MYH16: variants seen among roughly 807,000 people sequenced by gnomAD.
MYH16 encodes myosin heavy chain 16.
chr7:99,276,710 A>C (rs1378916259), intron 20 of MYH16, among the ~76,000 whole-genome samples: 1 of 152,252 alleles, frequency 6.6e-6, no homozygotes, highest in Non-Finnish European at 1.5e-5. Flanking sequence ...CAGGGGCTAC[A>C]TTGTGGAAGG....
At chr7:99,285,065 A>G (rs1792259468) in intron 26 of MYH16, 130 bp downstream of exon 8, 1 of 412,882 alleles carries the variant, frequency 2.4e-6, no homozygotes, top group African/African-American at 2.0e-5. Flanking sequence ...TTGGAGATGG[A>G]CCCATGTTCC....
intron 13 of MYH16, chr7:99,263,296 G>A (rs1318902252): frequency 2.0e-5 from 3 of 153,042 alleles, no homozygotes; most frequent in African/African-American, 7.2e-5. Context: ...GGGAGAGGCT[G>A]AACCTCAAAG....
At chr7:99,248,897 T>G (rs547019535) in intron 3 of MYH16, 1 of 152,628 alleles carries the variant, frequency 6.6e-6, no homozygotes, top group Admixed American at 6.5e-5. Flanking sequence ...CGGGTGGAAT[T>G]TGGGGAAGCG....
intron 23 of MYH16, among the ~76,000 whole-genome samples, chr7:99,281,547 G>T (rs144705988): frequency 7.3e-4 from 111 of 152,258 alleles, no homozygotes; most frequent in African/African-American, 2.2e-3. Flanking sequence ...GGGTGACAGC[G>T]AGACCCTGTC....
chr7:99,295,705 T>G (rs1463956678), intron 33 of MYH16, among the ~76,000 whole-genome samples: 1 of 151,964 alleles, frequency 6.6e-6, no homozygotes, highest in African/African-American at 2.4e-5. Flanking sequence ...AGGTGGTTCA[T>G]GCTTGTCATC....
exon 12 of MYH16, chr7:99,260,313 C>T (rs1364797531): frequency 2.9e-6 from 4 of 1,400,296 alleles, no homozygotes; most frequent in Non-Finnish European, 4.0e-6. Context: ...ACCTTCAGGC[C>T]TGCATCGACC....
intron 30 of MYH16, among the ~76,000 whole-genome samples, chr7:99,290,689 G>A (rs1326454094): frequency 1.3e-5 from 2 of 151,662 alleles, no homozygotes; most frequent in African/African-American, 4.8e-5. Context: ...TGTAATCCCA[G>A]TTACTCAGGA....
At chr7:99,289,668 CA>C (rs1792340077) in intron 30 of MYH16, among the ~76,000 whole-genome samples, 1 of 152,216 alleles carries the variant, frequency 6.6e-6, no homozygotes, top group African/African-American at 2.4e-5. Flanking sequence ...TGACGAAATA[CA>C]ATTTTCAAAC....
intron 37 of MYH16, among the ~76,000 whole-genome samples, chr7:99,301,195 CAAAAAAAAAAA>C (rs11315562): frequency 1.8e-5 from 1 of 54,484 alleles, no homozygotes; most frequent in African/African-American, 6.9e-5. Context: ...GACTCTGTCT[CAAAAAAAAAAA>C]AAAAAAAAAA....
At chr7:99,240,555 TA>T (rs1791655359) in intron 1 of MYH16, among the ~76,000 whole-genome samples, 1 of 152,096 alleles carries the variant, frequency 6.6e-6, no homozygotes, top group African/African-American at 2.4e-5. Flanking sequence ...ATTTCTTGAT[TA>T]AAAGAAGTCA....
chr7:99,284,982 T>A (rs1238615412), intron 26 of MYH16, 47 bp downstream of exon 8: 2 of 455,380 alleles, frequency 4.4e-6, no homozygotes, highest in East Asian at 1.4e-4. Flanking sequence ...GAAATGCACT[T>A]CTCTGAACGT....
At chr7:99,281,258 A>G (rs764485544) in intron 23 of MYH16, among the ~76,000 whole-genome samples, 7 of 152,064 alleles carry the variant, frequency 4.6e-5, no homozygotes, top group East Asian at 1.9e-4. Context: ...CGGGGGAGCT[A>G]TGAACAATTA....
chr7:99,302,194 C>T (rs1792603745), intron 38 of MYH16, among the ~76,000 whole-genome samples: 1 of 151,416 alleles, frequency 6.6e-6, no homozygotes, highest in Non-Finnish European at 1.5e-5. Context: ...ATCCCAAGTA[C>T]TCAGGAGGCT....
intron 18 of MYH16, among the ~76,000 whole-genome samples, chr7:99,269,709 C>T (rs1357319684): frequency 6.6e-6 from 1 of 152,136 alleles, no homozygotes; most frequent in Non-Finnish European, 1.5e-5. Context: ...ATCGCTTTGC[C>T]ATGTTTCTAA....
chr7:99,287,501 G>T (rs1197423303), intron 28 of MYH16, among the ~76,000 whole-genome samples: 2 of 140,992 alleles, frequency 1.4e-5, no homozygotes, highest in Admixed American at 7.4e-5. Flanking sequence ...CCATTGCACT[G>T]CAGCCTGGGC....
Position 99,301,639 on chromosome 7 carries a change from C to T in MYH16, n.4972C>T, listed in dbSNP as rs116476204. On this transcript the variant is annotated non_coding_transcript_exon_variant, in exon 38 of 42. Coordinates refer to ENST00000439784, the Ensembl canonical transcript of MYH16. Reference sequence around the variant, plus strand: ...AGATGGACGAGGATGCCAGGCAGCACGAGGAGCTGCGGAAGCAGTACAACC... The same window carrying T: ...AGATGGACGAGGATGCCAGGCAGCATGAGGAGCTGCGGAAGCAGTACAACC... 5.0e-3 allele frequency: 763 copies of T among 153,424 alleles called. 4 individuals carry two copies. The highest frequency in any genetic ancestry group is 0.017 in the African/African-American group (717 of 41,596). The allele number at this position is 153,424 out of a possible 1,614,324, so 9.5% of individuals were successfully genotyped here. A position where few individuals can be genotyped will look rare whatever the true frequency, so the allele number is the denominator to read the frequency against.
chr7:99,243,014 C>T (rs1003118270), intron 1 of MYH16, among the ~76,000 whole-genome samples: 2 of 152,170 alleles, frequency 1.3e-5, no homozygotes, highest in African/African-American at 4.8e-5. Flanking sequence ...TACATGATTC[C>T]ACTTAAGTTC....
At chr7:99,309,923 G>A (rs556562894), downstream of MYH16, among the ~76,000 whole-genome samples, 8 of 152,222 alleles carry the variant, frequency 5.3e-5, no homozygotes, top group South Asian at 1.5e-3. Flanking sequence ...TCAGGAGGTT[G>A]AGGCAGGAGA....
At chr7:99,239,935 C>T (rs755468241) in intron 1 of MYH16, among the ~76,000 whole-genome samples, 1 of 152,076 alleles carries the variant, frequency 6.6e-6, no homozygotes. Flanking sequence ...GTAATCCCAG[C>T]ACTTTGGGAG....
Sources: gnomAD v4.1 joint callset for allele counts (sites outside exome capture counted in the v4.1 genomes callset) on GRCh38, gnomAD v4.1.1 for gene constraint, MANE v1.5 for transcripts, NCBI Gene and HGNC (gene_info 2026-07-23, HGNC 2026-07-21) for gene names.